PAM: variants seen among roughly 807,000 people sequenced by gnomAD.
PAM encodes the protein peptidyl-glycine alpha-amidating monooxygenase.
A neutral mutation model predicts 122.1 loss-of-function variants in PAM; 72 were observed. The ratio of observed to expected loss-of-function variants is 0.59; its 90% CI spans 0.49 to 0.72. The LOEUF (loss-of-function observed/expected upper bound fraction) is 0.72. PAM is among the 30% of genes least tolerant of loss of function. PAM has a pLI of 0.00. For synonymous variants in PAM, 389 were observed against 404.4 expected (o/e 0.96, Z 0.46); for missense variants, 1,106 against 1,183.7 (o/e 0.93, Z 0.96).
intron 1 of PAM, among the ~76,000 whole-genome samples, chr5:102,794,352 A>G (rs1762819394): frequency 2.0e-5 from 3 of 152,168 alleles, no homozygotes; most frequent in Non-Finnish European, 4.4e-5. Context: ...ATTCAGATAC[A>G]TTTTCCACCA....
intron 1 of PAM, among the ~76,000 whole-genome samples, chr5:102,803,526 G>T (rs529790509): frequency 6.6e-6 from 1 of 152,150 alleles, no homozygotes; most frequent in Non-Finnish European, 1.5e-5. Flanking sequence ...ATGAGAAGCA[G>T]TAGAGGTCCA....
intron 5 of PAM, among the ~76,000 whole-genome samples, chr5:102,915,919 C>T (rs73175456): frequency 0.028 from 4,254 of 152,054 alleles, 150 homozygotes; most frequent in East Asian, 0.18. Flanking sequence ...GAAATTAAAT[C>T]TATAAGATAT....
intron 3 of PAM, among the ~76,000 whole-genome samples, chr5:102,895,056 TA>T (rs1448169979): frequency 5.3e-5 from 8 of 151,778 alleles, no homozygotes; most frequent in Admixed American, 3.3e-4. Context: ...CCAAAATTCT[TA>T]AATGAACTAC....
rs191035637 is a variant in PAM, at chr5:102,920,803, T to G, written c.357-4154T>G. Among the ~76,000 whole-genome samples the G allele has an allele frequency of 1.6e-3, 239 of 152,208 alleles. 1 individual carries two copies. Among genetic ancestry groups the G allele is most frequent in the Non-Finnish European group, 2.8e-3 (190 of 67,956 alleles). On this transcript the variant is annotated intron_variant, in intron 5 of 25. Transcript: ENST00000438793. ...TTAACTTGAGGGCATGACAATTTTT[T>G]TTTTTTTTAGCCAAAAGAAGAAACG...
chr5:102,864,502 T>C (rs955936138), intron 1 of PAM: 1 of 152,144 alleles, frequency 6.6e-6, no homozygotes, highest in African/African-American at 2.4e-5. Context: ...TTAAGTCAGG[T>C]TTTATTTATA....
intron 1 of PAM, among the ~76,000 whole-genome samples, chr5:102,796,263 T>G (rs174015): frequency 6.6e-6 from 1 of 151,934 alleles, no homozygotes; most frequent in Non-Finnish European, 1.5e-5. Context: ...AAAGGTCACC[T>G]GCAATCCATG....
intron 18 of PAM, among the ~76,000 whole-genome samples, chr5:103,005,582 C>T (rs372318086): frequency 3.3e-5 from 5 of 152,116 alleles, no homozygotes; most frequent in Admixed American, 3.3e-4. Flanking sequence ...TCTCTGTTAT[C>T]TCTTCTTATG....
chr5:102,774,602 T>G (rs909923913), intron 1 of PAM, among the ~76,000 whole-genome samples: 1 of 152,136 alleles, frequency 6.6e-6, no homozygotes, highest in Admixed American at 6.6e-5. Flanking sequence ...TGCTATTTCT[T>G]TAATTACTAT....
At chr5:103,013,575 C>CTAA (rs1781217062) in intron 21 of PAM, among the ~76,000 whole-genome samples, 1 of 152,110 alleles carries the variant, frequency 6.6e-6, no homozygotes, top group Admixed American at 6.5e-5. Flanking sequence ...ATTGCTCTAG[C>CTAA]TAAGACTTCC....
intron 12 of PAM, among the ~76,000 whole-genome samples, chr5:102,959,177 A>G (rs1366938552): frequency 6.6e-6 from 1 of 152,194 alleles, no homozygotes; most frequent in East Asian, 1.9e-4. Context: ...TCAACTGTAC[A>G]GCACTACTTC....
intron 1 of PAM, among the ~76,000 whole-genome samples, chr5:102,758,351 T>A (rs1751264689): frequency 6.6e-6 from 1 of 152,114 alleles, no homozygotes; most frequent in African/African-American, 2.4e-5. Flanking sequence ...GGACATAATG[T>A]TAACTTTACA....
intron 5 of PAM, among the ~76,000 whole-genome samples, chr5:102,920,234 GT>G (rs1175488015): frequency 6.6e-6 from 1 of 152,008 alleles, no homozygotes; most frequent in Non-Finnish European, 1.5e-5. Context: ...TAAGTAATGT[GT>G]TTGGTGTAGT....
At chr5:102,869,318 G>C (rs754390411) in intron 3 of PAM, among the ~76,000 whole-genome samples, 4 of 152,218 alleles carry the variant, frequency 2.6e-5, no homozygotes, top group Non-Finnish European at 4.4e-5. Flanking sequence ...GCTAGGGTCT[G>C]CTGAATTCAT....
At chr5:102,950,611 C>A in intron 11 of PAM, 106 bp from the exon 12 acceptor site, 4 of 681,832 alleles carry the variant, frequency 5.9e-6, no homozygotes, top group South Asian at 1.8e-5. Context: ...CATGATTAAA[C>A]CCTCAAAAAA....
At chr5:102,990,531 T>C (rs1773738883) in intron 16 of PAM, 130 bp downstream of exon 16, 2 of 590,266 alleles carry the variant, frequency 3.4e-6, no homozygotes, top group Admixed American at 6.7e-5. Flanking sequence ...GAGCAAAATG[T>C]ATTTGTCCTT....
intron 1 of PAM, among the ~76,000 whole-genome samples, chr5:102,825,179 A>G (rs1373483370): frequency 3.9e-5 from 6 of 152,364 alleles, no homozygotes; most frequent in East Asian, 1.9e-4. Context: ...TACAAATTAA[A>G]TGGCTAATAT....
intron 1 of PAM, among the ~76,000 whole-genome samples, chr5:102,778,060 A>G (rs1160986804): frequency 1.3e-5 from 2 of 152,246 alleles, no homozygotes; most frequent in South Asian, 2.1e-4. Flanking sequence ...CTAGAGATCA[A>G]GTAAGCACCT....
intron 3 of PAM, among the ~76,000 whole-genome samples, chr5:102,896,988 A>C (rs1796394745): frequency 6.6e-6 from 1 of 151,654 alleles, no homozygotes; most frequent in Admixed American, 6.6e-5. Flanking sequence ...CATTAAAAAC[A>C]CTTTGGGAGA....
At chr5:102,796,064 T>G (rs1763301522) in intron 1 of PAM, among the ~76,000 whole-genome samples, 1 of 152,214 alleles carries the variant, frequency 6.6e-6, no homozygotes, top group African/African-American at 2.4e-5. Context: ...AAAACTCCTG[T>G]GATCTGTTGA....
Sources: gnomAD v4.1 joint callset for allele counts (sites outside exome capture counted in the v4.1 genomes callset) on GRCh38, gnomAD v4.1.1 for gene constraint, MANE v1.5 for transcripts, NCBI Gene and HGNC (gene_info 2026-07-23, HGNC 2026-07-21) for gene names.